PDE4D: variants seen among roughly 807,000 people sequenced by gnomAD.
PDE4D encodes the protein phosphodiesterase 4D.
Under a neutral mutation model 87.4 loss-of-function variants are expected in PDE4D, and 24 were observed. The observed-to-expected ratio is 0.27, with a 90% confidence interval of 0.20 to 0.39. The LOEUF (loss-of-function observed/expected upper bound fraction) is 0.39. Ranked by LOEUF, PDE4D falls within the 10% of genes least tolerant of loss-of-function variation. The probability of loss-of-function intolerance (pLI) is 1.00; values close to 1 mark genes in which losing one functional copy is unlikely to be tolerated. For synonymous variants in PDE4D, 384 were observed against 383.2 expected (o/e 1.00, Z -0.02); for missense variants, 714 against 1,041.0 (o/e 0.69, Z 4.32).
chr5:59,703,859 A>C (rs1286040107), intron 1 of PDE4D, among the ~76,000 whole-genome samples: 1 of 152,158 alleles, frequency 6.6e-6, no homozygotes, highest in Non-Finnish European at 1.5e-5. Context: ...TTTGCCTGCT[A>C]TTATGACAGG....
At chr5:59,555,845 G>C (rs948452392) in intron 1 of PDE4D, among the ~76,000 whole-genome samples, 1 of 152,038 alleles carries the variant, frequency 6.6e-6, no homozygotes, top group Admixed American at 6.6e-5. Flanking sequence ...TCCTACAAAA[G>C]GACATTGTTA....
At chr5:59,238,981 G>A (rs1051142128) in intron 1 of PDE4D, among the ~76,000 whole-genome samples, 45 of 152,198 alleles carry the variant, frequency 3.0e-4, no homozygotes, top group African/African-American at 1.1e-3. Flanking sequence ...TGGAATGGTG[G>A]AGATTAAGTG....
chr5:58,992,275 A>G (rs1239414700), intron 7 of PDE4D, among the ~76,000 whole-genome samples: 1 of 152,186 alleles, frequency 6.6e-6, no homozygotes, highest in Non-Finnish European at 1.5e-5. Flanking sequence ...CTAATAAAAA[A>G]TGCTGCAAGA....
intron 1 of PDE4D, among the ~76,000 whole-genome samples, chr5:59,284,077 A>T (rs916621751): frequency 2.6e-5 from 4 of 152,128 alleles, no homozygotes; most frequent in Admixed American, 6.6e-5. Flanking sequence ...TCACTTTCAG[A>T]TCTTTGCACA....
At chr5:59,937,917 A>G (rs1756777544) in intron 3 of PDE4D, among the ~76,000 whole-genome samples, 1 of 152,244 alleles carries the variant, frequency 6.6e-6, no homozygotes, top group Non-Finnish European at 1.5e-5. Flanking sequence ...AAGAGGGCAT[A>G]TTAGGTATGA....
intron 6 of PDE4D, among the ~76,000 whole-genome samples, chr5:59,009,375 T>A (rs1313823687): frequency 2.6e-5 from 4 of 152,126 alleles, no homozygotes; most frequent in Admixed American, 2.6e-4. Flanking sequence ...AATGACATAC[T>A]GGAAAAAAAT....
chr5:59,335,819 T>C (rs1433964448), intron 1 of PDE4D, among the ~76,000 whole-genome samples: 1 of 152,186 alleles, frequency 6.6e-6, no homozygotes, highest in Non-Finnish European at 1.5e-5. Context: ...ATATCAATAA[T>C]ATAAATAGTT....
chr5:60,275,397 G>T (rs78833500), intron 1 of PDE4D, among the ~76,000 whole-genome samples: 4,974 of 152,138 alleles, frequency 0.033, 125 homozygotes, highest in Middle Eastern at 0.086. Flanking sequence ...AATCAAAAGA[G>T]AAAGAAAGAT....
At chr5:60,009,168 G>A (rs1041618492) in intron 2 of PDE4D, among the ~76,000 whole-genome samples, 2 of 152,000 alleles carry the variant, frequency 1.3e-5, no homozygotes, top group Non-Finnish European at 2.9e-5. Flanking sequence ...GTTCATCATG[G>A]AAGGTTTTTA....
At chr5:59,602,956 A>G (rs1396401883) in intron 1 of PDE4D, among the ~76,000 whole-genome samples, 1 of 152,156 alleles carries the variant, frequency 6.6e-6, no homozygotes, top group African/African-American at 2.4e-5. Flanking sequence ...TCTTCAATAA[A>G]TGGTGCTGGG....
At chr5:59,215,377 C>T (rs1417991049) in intron 2 of PDE4D, 1 of 231,002 alleles carries the variant, frequency 4.3e-6, no homozygotes, top group Non-Finnish European at 8.5e-6. Context: ...TCTATTATCA[C>T]AGGACTTTTC....
chr5:59,784,327 G>A (rs1210576899), intron 1 of PDE4D, among the ~76,000 whole-genome samples: 1 of 151,740 alleles, frequency 6.6e-6, no homozygotes, highest in East Asian at 1.9e-4. Context: ...TGGATTAGGA[G>A]CAAAAGATTA....
chr5:59,836,647 T>TATCTATCTATCTA (rs1742111050), intron 1 of PDE4D, among the ~76,000 whole-genome samples: 1 of 151,530 alleles, frequency 6.6e-6, no homozygotes, highest in Non-Finnish European at 1.5e-5. Context: ...TCTATCTATC[T>TATCTATCTATCTA]ATCTATCTAT....
intron 6 of PDE4D, among the ~76,000 whole-genome samples, chr5:59,003,341 A>G (rs536675543): frequency 6.6e-6 from 1 of 152,272 alleles, no homozygotes; most frequent in Non-Finnish European, 1.5e-5. Flanking sequence ...AAAGACTAGT[A>G]CTCCTCCACC....
intron 2 of PDE4D, among the ~76,000 whole-genome samples, chr5:60,003,707 TAAAA>T (rs35100447): frequency 2.7e-4 from 28 of 104,296 alleles, no homozygotes; most frequent in Non-Finnish European, 4.5e-4. Context: ...AGACTCCATC[TAAAA>T]AAAAAAAAAA....
chr5:60,015,099 T>C (rs1765384113), intron 2 of PDE4D, among the ~76,000 whole-genome samples: 1 of 152,184 alleles, frequency 6.6e-6, no homozygotes, highest in Non-Finnish European at 1.5e-5. Context: ...TCAATGTATG[T>C]TGCAGGGAAG....
At chr5:60,186,622 C>T (rs1784804344) in intron 1 of PDE4D, among the ~76,000 whole-genome samples, 1 of 152,044 alleles carries the variant, frequency 6.6e-6, no homozygotes, top group African/African-American at 2.4e-5. Flanking sequence ...CAGGTTTAGG[C>T]TAATAGTGTA....
At chr5:59,941,250 T>C (rs901268285) in intron 3 of PDE4D, among the ~76,000 whole-genome samples, 2 of 152,174 alleles carry the variant, frequency 1.3e-5, no homozygotes, top group Non-Finnish European at 1.5e-5. Flanking sequence ...TTCGTGTGAT[T>C]GTCCTTCACT....
chr5:59,380,983 C>T (rs1582263752), intron 1 of PDE4D, among the ~76,000 whole-genome samples: 1 of 152,236 alleles, frequency 6.6e-6, no homozygotes, highest in African/African-American at 2.4e-5. Flanking sequence ...GTAGTTACTA[C>T]AGAGTTCTTG....
Sources: allele counts gnomAD v4.1 joint callset (sites outside exome capture counted in the v4.1 genomes callset), GRCh38; gene constraint gnomAD v4.1.1; transcripts MANE v1.5; gene names NCBI Gene and HGNC (gene_info 2026-07-23, HGNC 2026-07-21).